The following LRRFIP1 variants were observed in gnomAD, a reference collection of about 807,000 sequenced individuals.
LRRFIP1 encodes the protein LRR binding FLII interacting protein 1.
In LRRFIP1, 62 loss-of-function variants were observed where a neutral mutation model predicts 104.4. The observed-to-expected ratio is 0.59, with a 90% CI of 0.48 to 0.73. The LOEUF (loss-of-function observed/expected upper bound fraction) is 0.73. Among genes scored for constraint, LRRFIP1 ranks in the 30% least tolerant of loss-of-function variants. The pLI is 0.00. For synonymous variants in LRRFIP1, 300 were observed against 299.0 expected (o/e 1.00, Z -0.03); for missense variants, 796 against 824.5 (o/e 0.97, Z 0.42).
chr2:237,680,751 G>A (rs923306302), intron 1 of LRRFIP1, among the ~76,000 whole-genome samples: 5 of 152,238 alleles, frequency 3.3e-5, no homozygotes, highest in African/African-American at 1.2e-4. Context: ...GGAGATTGAG[G>A]TGGGCCCATC....
At chr2:237,663,850 T>C (rs1296760713) in intron 1 of LRRFIP1, among the ~76,000 whole-genome samples, 2 of 151,920 alleles carry the variant, frequency 1.3e-5, no homozygotes, top group African/African-American at 4.8e-5. Flanking sequence ...TTCACGTGCA[T>C]TCGCCTGGGC....
chr2:237,762,869 G>C, intron 19 of LRRFIP1: 1 of 1,614,170 alleles, frequency 6.2e-7, no homozygotes. Flanking sequence ...TGAAAACACA[G>C]TACAGGTTGA....
At chr2:237,635,674 A>T (rs2082976623) in intron 1 of LRRFIP1, among the ~76,000 whole-genome samples, 1 of 152,044 alleles carries the variant, frequency 6.6e-6, no homozygotes, top group Admixed American at 6.6e-5. Context: ...TATTTTTTTT[A>T]TTTAGCTGGG....
At position 237,691,654 on chromosome 2, in the gene LRRFIP1, G is replaced by C. The variant is rs1334645581; in HGVS notation, c.97-16890G>C. ...TGAGGGTGATGGATGTGGGGGAGCC[G>C]GGAACTCATACCCTCGCCCAGCCCC... On this transcript the variant is annotated intron_variant, in intron 1 of 23. Coordinates refer to ENST00000308482, the MANE Select transcript of LRRFIP1 (RefSeq NM_001137550.2). This position sits in a 1 kb window ranked among gnomAD's most constrained non-coding sequence, Gnocchi z 5.4. 6.9e-6 allele frequency among the ~76,000 whole-genome samples: 1 copy of C among 145,038 alleles called. No homozygotes were observed. The highest frequency in any genetic ancestry group is 1.5e-5 in the Non-Finnish European group (1 of 67,986).
chr2:237,734,273 C>CTTTTTTTTTTTTTTTTTTTTTTTT (rs71870330), intron 9 of LRRFIP1, among the ~76,000 whole-genome samples: 1 of 90,218 alleles, frequency 1.1e-5, no homozygotes, highest in Non-Finnish European at 2.0e-5. Flanking sequence ...TGTTAATAAC[C>CTTTTTTTTTTTTTTTTTTTTTTTT]TTTTTTTTTT....
chr2:237,755,188 G>A (rs1364264247), intron 15 of LRRFIP1, among the ~76,000 whole-genome samples: 1 of 152,206 alleles, frequency 6.6e-6, no homozygotes, highest in African/African-American at 2.4e-5. Flanking sequence ...ACACAGCAGA[G>A]CCGAGCTGCC....
At chr2:237,698,505 A>C (rs2093330898) in intron 1 of LRRFIP1, among the ~76,000 whole-genome samples, 1 of 152,244 alleles carries the variant, frequency 6.6e-6, no homozygotes, top group African/African-American at 2.4e-5. Context: ...CTTGTCTGCC[A>C]GGTCCCCCGA....
intron 11 of LRRFIP1, among the ~76,000 whole-genome samples, chr2:237,739,723 G>A (rs991302474): frequency 6.6e-6 from 1 of 152,076 alleles, no homozygotes; most frequent in Non-Finnish European, 1.5e-5. Flanking sequence ...CAGATCCTTC[G>A]AAATGTGCAG....
chr2:237,720,088 A>G (rs570586964), intron 5 of LRRFIP1, among the ~76,000 whole-genome samples: 135 of 151,870 alleles, frequency 8.9e-4, no homozygotes, highest in African/African-American at 3.0e-3. Context: ...CTGGGACTAC[A>G]GGCGCCTGCC....
At position 237,651,826 on chromosome 2, in the gene LRRFIP1, T is replaced by C. The variant is rs77450470; in HGVS notation, c.96+24086T>C. Among the ~76,000 whole-genome samples, 723 of 152,354 alleles carry C rather than the reference T, an allele frequency of 4.7e-3. 3 individuals carry two copies. Among genetic ancestry groups the C allele is most frequent in the Middle Eastern group, 0.031 (9 of 294 alleles). ...TCAGCATGTAATCAATATAAAAAAT[T>C]GTTAATGAGAGATGTTACACTCTTT... On this transcript the variant is annotated intron_variant, in intron 1 of 23. Coordinates refer to ENST00000308482, the MANE Select transcript of LRRFIP1 (RefSeq NM_001137550.2).
chr2:237,762,366 C>G (rs1382891815), intron 19 of LRRFIP1, among the ~76,000 whole-genome samples: 1 of 152,176 alleles, frequency 6.6e-6, no homozygotes, highest in Non-Finnish European at 1.5e-5. Context: ...CAAGATGGCA[C>G]CAGCAGCCAC....
At chr2:237,685,956 TAA>T (rs753244447) in intron 1 of LRRFIP1, among the ~76,000 whole-genome samples, 3 of 152,244 alleles carry the variant, frequency 2.0e-5, no homozygotes, top group Non-Finnish European at 4.4e-5. Flanking sequence ...AGTTGCAAAT[TAA>T]AGTCTTTCCT....
intron 1 of LRRFIP1, among the ~76,000 whole-genome samples, chr2:237,651,380 T>C (rs56010479): frequency 0.13 from 20,294 of 152,262 alleles, 1,860 homozygotes; most frequent in Non-Finnish European, 0.21. Flanking sequence ...CTTGGTATCA[T>C]CTAATATCTA....
At chr2:237,634,565 C>A (rs1391074537) in intron 1 of LRRFIP1, among the ~76,000 whole-genome samples, 5 of 152,168 alleles carry the variant, frequency 3.3e-5, no homozygotes, top group East Asian at 1.9e-4. Flanking sequence ...TCACCCAGGG[C>A]AGTTATGAGG....
In LRRFIP1 at chr2:237,755,442, G is replaced by A. The variant is rs566726219; in HGVS notation, c.1039-653G>A. Reference sequence around the variant, plus strand: ...GGCCATTTTATGGTAAGTCCTTGCAGGGCAGCCTCACCCAGGCTCTCAGCA... The same window carrying A: ...GGCCATTTTATGGTAAGTCCTTGCAAGGCAGCCTCACCCAGGCTCTCAGCA... On this transcript the variant is annotated intron_variant, in intron 15 of 23. Coordinates refer to ENST00000308482, the MANE Select transcript of LRRFIP1 (RefSeq NM_001137550.2). Among the ~76,000 whole-genome samples, 11 of 152,302 alleles carry A rather than the reference G, an allele frequency of 7.2e-5. No individual in the cohort carries two copies. In the East Asian group the frequency reaches 1.2e-3, roughly 16 times the overall value.
rs78529235 is a variant in LRRFIP1 at position 237,667,980 on chromosome 2, C to G, written c.96+40240C>G. On this transcript the variant is annotated intron_variant, in intron 1 of 23. Coordinates refer to ENST00000308482, the MANE Select transcript of LRRFIP1 (RefSeq NM_001137550.2). ...CTGCAGCCACATTTGGCTTTACAACCCCTGGATGCCCTCATGTCCTGCCCA... is the reference window on the plus strand; with the variant it reads ...CTGCAGCCACATTTGGCTTTACAACGCCTGGATGCCCTCATGTCCTGCCCA... Among the ~76,000 whole-genome samples the G allele has an allele frequency of 2.3e-3, 351 of 152,216 alleles. 4 individuals carry two copies. The East Asian group carries it at 0.028, about 12-fold the overall frequency.
At position 237,741,620 on chromosome 2, in the gene LRRFIP1, G is replaced by A. The variant is rs375776825; in HGVS notation, c.633+2311G>A. On this transcript the variant is annotated intron_variant, in intron 11 of 23. Transcript: ENST00000308482. Reference sequence around the variant, plus strand: ...AGGCAGGTGGATCACTTGAGGTCAGGAGTTGGAGACCAGCCTGGCCAACAT... The same window carrying A: ...AGGCAGGTGGATCACTTGAGGTCAGAAGTTGGAGACCAGCCTGGCCAACAT... Among the ~76,000 whole-genome samples the A allele has an allele frequency of 4.9e-4, 75 of 152,250 alleles. 1 individual carries two copies. In the East Asian group the frequency reaches 0.013, roughly 26 times the overall value.
rs551235622 is a variant in LRRFIP1, at chr2:237,739,849, C to T, written c.633+540C>T. On this transcript the variant is annotated intron_variant, in intron 11 of 23. Coordinates refer to ENST00000308482, the MANE Select transcript of LRRFIP1 (RefSeq NM_001137550.2). ...AAGTCTCATTATTGTGTGTTTTCCC[C>T]TGGGTTGTTGGAATTTGACACAGTT... 4.6e-5 allele frequency among the ~76,000 whole-genome samples: 7 copies of T among 152,264 alleles called. No individual in the cohort carries two copies. In the East Asian group the frequency reaches 1.4e-3, roughly 29 times the overall value.
chr2:237,730,266 A>C (rs1230723972), intron 8 of LRRFIP1, among the ~76,000 whole-genome samples: 4 of 152,258 alleles, frequency 2.6e-5, no homozygotes, highest in Non-Finnish European at 5.9e-5. Context: ...AGGAAAATCC[A>C]GAGTCTCATC....
Sources: gnomAD v4.1 joint callset for allele counts (sites outside exome capture counted in the v4.1 genomes callset) on GRCh38, gnomAD v4.1.1 for gene constraint, Gnocchi (gnomAD v3.1) non-coding constraint, MANE v1.5 for transcripts, NCBI Gene and HGNC (gene_info 2026-07-23, HGNC 2026-07-21) for gene names.